Variants in TRPM3 observed in about 807,000 individuals in gnomAD.
TRPM3 encodes the protein transient receptor potential cation channel subfamily M member 3.
TRPM3 carries 77 observed loss-of-function variants against 181.2 expected under a neutral mutation model. The observed-to-expected ratio is 0.42, with a 90% CI of 0.35 to 0.51. The LOEUF is 0.51. TRPM3 is among the 20% of genes least tolerant of loss of function. The pLI, the probability that TRPM3 is intolerant of heterozygous loss-of-function variation, is 0.01. For synonymous variants in TRPM3, 745 were observed against 796.4 expected (o/e 0.94, Z 1.09); for missense variants, 1,759 against 2,196.7 (o/e 0.80, Z 3.98).
At chr9:71,293,588 A>T (rs2086005329) in intron 1 of TRPM3, among the ~76,000 whole-genome samples, 1 of 145,226 alleles carries the variant, frequency 6.9e-6, no homozygotes, top group Non-Finnish European at 1.5e-5. Context: ...ATAAATGGAG[A>T]GATATACTAC....
intron 9 of TRPM3, among the ~76,000 whole-genome samples, chr9:70,668,142 G>A (rs918622797): frequency 2.0e-5 from 3 of 152,114 alleles, no homozygotes. Context: ...CATGGGGGTG[G>A]TCCTTAACAG....
At chr9:71,229,310 A>C (rs2080894732) in intron 1 of TRPM3, among the ~76,000 whole-genome samples, 2 of 152,204 alleles carry the variant, frequency 1.3e-5, no homozygotes, top group African/African-American at 2.4e-5. Context: ...ATATACAAAA[A>C]TCAAATTCAA....
At chr9:70,538,877 T>C (rs2042505587) in intron 25 of TRPM3, among the ~76,000 whole-genome samples, 1 of 152,256 alleles carries the variant, frequency 6.6e-6, no homozygotes, top group Admixed American at 6.5e-5. Context: ...GGCCACATAT[T>C]AAAAATAAAA....
intron 22 of TRPM3, among the ~76,000 whole-genome samples, chr9:70,574,092 G>GCGCACACACA (rs961733949): frequency 4.2e-5 from 5 of 119,176 alleles, no homozygotes; most frequent in African/African-American, 1.4e-4. Context: ...ACACGCGCGC[G>GCGCACACACA]CACACACACA....
At chr9:70,821,348 C>A (rs1250802360) in intron 6 of TRPM3, among the ~76,000 whole-genome samples, 1 of 152,082 alleles carries the variant, frequency 6.6e-6, no homozygotes, top group East Asian at 1.9e-4. Flanking sequence ...TGGCCCAGGG[C>A]TGATAAATAT....
chr9:71,100,369 C>T (rs1049872299), intron 1 of TRPM3, among the ~76,000 whole-genome samples: 4 of 152,068 alleles, frequency 2.6e-5, no homozygotes, highest in African/African-American at 9.7e-5. Flanking sequence ...AAAGGATGCT[C>T]AAACATCCAG....
At chr9:70,683,924 G>T (rs965261659) in intron 8 of TRPM3, among the ~76,000 whole-genome samples, 19 of 152,158 alleles carry the variant, frequency 1.2e-4, no homozygotes, top group African/African-American at 3.9e-4. Flanking sequence ...AACTCTTTAC[G>T]CCAGGGCTGG....
chr9:70,845,330 C>A (rs1454588024), intron 4 of TRPM3, among the ~76,000 whole-genome samples: 2 of 152,114 alleles, frequency 1.3e-5, no homozygotes, highest in Non-Finnish European at 1.5e-5. Flanking sequence ...GCCTCCACCT[C>A]CCAGGTTCAA....
rs115778131 is a variant in TRPM3 at position 71,185,798 on chromosome 9, G to A, written c.183+260855C>T. On this transcript the variant is annotated intron_variant, in intron 1 of 24. Transcript: ENST00000357533. ...AGCTCAATGGCCACTCTGATGAGCC[G>A]GAGCACCTTACATAGAATGGACGTG... Among the ~76,000 whole-genome samples the A allele has an allele frequency of 1.5e-3, 221 of 152,120 alleles. 3 individuals carry two copies. The highest frequency in any genetic ancestry group is 4.7e-3 in the African/African-American group (196 of 41,502).
chr9:70,922,378 A>G (rs1055870679), intron 1 of TRPM3, among the ~76,000 whole-genome samples: 1 of 152,206 alleles, frequency 6.6e-6, no homozygotes, highest in Non-Finnish European at 1.5e-5. Context: ...CCAGGCCTCA[A>G]AAAGAAGTTC....
At chr9:70,848,599 A>G (rs1400817314) in intron 3 of TRPM3, among the ~76,000 whole-genome samples, 1 of 152,260 alleles carries the variant, frequency 6.6e-6, no homozygotes. Context: ...AAGACAGATC[A>G]TGTACAAAGA....
At chr9:71,404,026 G>A (rs534684793) in intron 1 of TRPM3, among the ~76,000 whole-genome samples, 3 of 152,126 alleles carry the variant, frequency 2.0e-5, no homozygotes, top group Admixed American at 2.0e-4. Flanking sequence ...CAGGGTTTTT[G>A]AATTAGAAAT....
intron 4 of TRPM3, among the ~76,000 whole-genome samples, chr9:70,843,574 C>T (rs1213033644): frequency 6.6e-6 from 1 of 152,152 alleles, no homozygotes; most frequent in Non-Finnish European, 1.5e-5. Context: ...AAGACATGAG[C>T]TATTTAGTTT....
chr9:71,040,491 T>C (rs987170961), intron 1 of TRPM3, among the ~76,000 whole-genome samples: 2 of 152,328 alleles, frequency 1.3e-5, no homozygotes, highest in South Asian at 4.1e-4. Flanking sequence ...TTTGGTAAAC[T>C]AGACTAATTC....
At chr9:71,111,292 C>T (rs2071018284) in intron 1 of TRPM3, among the ~76,000 whole-genome samples, 1 of 152,124 alleles carries the variant, frequency 6.6e-6, no homozygotes, top group African/African-American at 2.4e-5. Context: ...CATTCCCTTC[C>T]TATCACTAGG....
At chr9:71,081,684 C>A (rs892638605) in intron 1 of TRPM3, among the ~76,000 whole-genome samples, 4 of 152,064 alleles carry the variant, frequency 2.6e-5, no homozygotes, top group Admixed American at 6.6e-5. Context: ...CACACACATA[C>A]ACACACACAA....
rs56778654 is a variant in TRPM3 at position 71,213,833 on chromosome 9, T to C, written c.183+232820A>G. Among the ~76,000 whole-genome samples, 676 of 152,308 alleles carry C rather than the reference T, an allele frequency of 4.4e-3. 4 individuals carry two copies. Among genetic ancestry groups the C allele is most frequent in the African/African-American group, 0.015 (616 of 41,572 alleles). ...TTGTATAAATAAATGACATCATCCA[T>C]TGACTTTTAAAAAGTCAAGAATAAC... On this transcript the variant is annotated intron_variant, in intron 1 of 24. Coordinates refer to the TRPM3 transcript ENST00000357533.
At chr9:71,431,007 T>C (rs2093946121) in intron 1 of TRPM3, among the ~76,000 whole-genome samples, 1 of 152,196 alleles carries the variant, frequency 6.6e-6, no homozygotes, top group Admixed American at 6.5e-5. Flanking sequence ...TTGAGGGTCA[T>C]TGTGATGGAC....
chr9:71,098,603 A>ACTCATTAT (rs1306967140), intron 1 of TRPM3, among the ~76,000 whole-genome samples: 2 of 152,170 alleles, frequency 1.3e-5, no homozygotes, highest in Admixed American at 6.6e-5. Flanking sequence ...GCCTCGCTAG[A>ACTCATTAT]CCTAAGGATA....
Sources: gnomAD v4.1 joint callset for allele counts (sites outside exome capture counted in the v4.1 genomes callset) on GRCh38, gnomAD v4.1.1 for gene constraint, MANE v1.5 for transcripts, NCBI Gene and HGNC (gene_info 2026-07-23, HGNC 2026-07-21) for gene names.